Variants in APBA2 observed in about 807,000 individuals in gnomAD.
APBA2 encodes the protein amyloid-beta A4 precursor protein-binding family A member 2.
Under a neutral mutation model 75.0 loss-of-function variants are expected in APBA2, and 30 were observed. The ratio of observed to expected loss-of-function variants is 0.40; its 90% CI spans 0.30 to 0.54. The LOEUF (loss-of-function observed/expected upper bound fraction) is 0.54, where lower values mean the gene tolerates loss of function less well. APBA2 is among the 20% of genes least tolerant of loss of function. The pLI, the probability that APBA2 is intolerant of heterozygous loss-of-function variation, is 0.49. For synonymous variants in APBA2, 444 were observed against 409.6 expected (o/e 1.08, Z -1.01); for missense variants, 801 against 1,016.1 (o/e 0.79, Z 2.88).
rs1412473592 is a variant in APBA2, at chr15:29,101,770, T to C, written c.1510T>C (p.Phe504Leu). The change falls in exon 10 of 15, where the codon TTC becomes CTC. Residue 504 changes from phenylalanine to leucine, a missense_variant. This residue lies in a region of APBA2 where 367 missense variants were observed against 544.5 expected (regional missense o/e 0.67). Coordinates refer to ENST00000683413, the MANE Select transcript of APBA2 (RefSeq NM_001353788.2). ...KKQYKMICHV[F>L]ESEDAQLIAQ... is the part of the protein sequence containing the mutation. The stretch of plus-strand genomic sequence containing the variant: ...GCAGTATAAGATGATCTGCCATGTG[T>C]TCGAGTCGGAGGATGTAAGTAAGCC... 6.2e-7 allele frequency: 1 copy of C among 1,613,316 alleles called. No homozygotes were observed. Among genetic ancestry groups the C allele is most frequent in the Non-Finnish European group, 8.5e-7 (1 of 1,179,942 alleles).
chr15:29,101,814 T>G, intron 10 of APBA2, 30 bp downstream of exon 10: 1 of 1,605,088 alleles, frequency 6.2e-7, no homozygotes, highest in Non-Finnish European at 8.5e-7. Context: ...GGCACTCCCC[T>G]CCCAAAGTTC....
chr15:29,024,440 A>G (rs1397903447), intron 3 of APBA2, among the ~76,000 whole-genome samples: 1 of 152,234 alleles, frequency 6.6e-6, no homozygotes, highest in African/African-American at 2.4e-5. Context: ...CTGCGGAGAC[A>G]GCACTGTGGG....
chr15:28,930,610 T>C (rs937650892), intron 2 of APBA2, among the ~76,000 whole-genome samples: 22 of 152,110 alleles, frequency 1.4e-4, no homozygotes, highest in African/African-American at 5.3e-4. Flanking sequence ...CTGTTTTTGC[T>C]GGCCAGGGAG....
intron 2 of APBA2, among the ~76,000 whole-genome samples, chr15:28,942,714 C>T (rs2035301438): frequency 6.6e-6 from 1 of 152,326 alleles, no homozygotes; most frequent in Non-Finnish European, 1.5e-5. Context: ...AGTAAGCGAC[C>T]TGGGAGGTAT....
chr15:28,933,617 A>G (rs1282807349), intron 2 of APBA2, among the ~76,000 whole-genome samples: 1 of 152,254 alleles, frequency 6.6e-6, no homozygotes, highest in South Asian at 2.1e-4. Flanking sequence ...GCAAGCCCAC[A>G]CTGGCTCGGA....
In APBA2 at chr15:29,014,704, G is replaced by GTTT. The variant is rs531887593; in HGVS notation, c.-41+18915_-41+18917dup. Reference sequence around the variant, plus strand: ...CAGATTACTCAGTCATCATTTGACTGTTTTTTTTTTTTTTTTTTTAAAGAG... The same window carrying GTTT: ...CAGATTACTCAGTCATCATTTGACTGTTTTTTTTTTTTTTTTTTTTTTAAAGAG... On this transcript the variant is annotated intron_variant, in intron 3 of 14. Transcript: ENST00000683413. 4.0e-3 allele frequency among the ~76,000 whole-genome samples: 504 copies of GTTT among 125,592 alleles called. 6 individuals are homozygous for GTTT. Among genetic ancestry groups the GTTT allele is most frequent in the East Asian group, 0.014 (60 of 4,396 alleles). The allele number at this position is 125,592 out of a possible 152,430, so 82.4% of individuals were successfully genotyped here.
intron 3 of APBA2, among the ~76,000 whole-genome samples, chr15:29,006,338 C>G (rs1476346197): frequency 6.6e-6 from 1 of 152,102 alleles, no homozygotes; most frequent in Non-Finnish European, 1.5e-5. Context: ...GAAAAAAATT[C>G]CATTAACCAA....
chr15:29,105,543 G>C lies in APBA2; in HGVS notation c.1689G>C (p.Ser563=), dbSNP rs149032545. 14 of 1,613,404 alleles carry C rather than the reference G, an allele frequency of 8.7e-6. No homozygotes were observed. The highest frequency in any genetic ancestry group is 1.1e-5 in the Non-Finnish European group (13 of 1,180,040). The change falls in exon 11 of 15, where the codon TCG becomes TCC. Residue 563 remains serine (S), a synonymous_variant. Coordinates refer to ENST00000683413, the MANE Select transcript of APBA2 (RefSeq NM_001353788.2). ...ACGACCTCATCCACTTCTCAAACTC[G>C]GAGAACTGCAAGGAGGTAAGCCACA... ...YNDDLIHFSN[S]ENCKELQLEK... is the part of the protein sequence containing the mutation.
At chr15:29,113,622 T>C (rs1408471052) in intron 13 of APBA2, among the ~76,000 whole-genome samples, 1 of 151,698 alleles carries the variant, frequency 6.6e-6, no homozygotes, top group Non-Finnish European at 1.5e-5. Flanking sequence ...CTGGGGGAGG[T>C]GCAGCTGGGG....
chr15:28,923,811 G>T (rs375740848), intron 2 of APBA2, among the ~76,000 whole-genome samples: 1 of 152,118 alleles, frequency 6.6e-6, no homozygotes, highest in South Asian at 2.1e-4. Flanking sequence ...TCAGTGCTTG[G>T]GCCTTTTGGG....
intron 3 of APBA2, among the ~76,000 whole-genome samples, chr15:29,037,949 G>C (rs1230313118): frequency 6.6e-6 from 1 of 152,168 alleles, no homozygotes; most frequent in Non-Finnish European, 1.5e-5. Flanking sequence ...TCAGCATACT[G>C]TCTCTTAATA....
At chr15:28,898,818 T>C (rs1221686169) in intron 1 of APBA2, among the ~76,000 whole-genome samples, 1 of 152,228 alleles carries the variant, frequency 6.6e-6, no homozygotes, top group Non-Finnish European at 1.5e-5. Context: ...TTATACTTAA[T>C]GTGAGATAAT....
intron 1 of APBA2, among the ~76,000 whole-genome samples, chr15:28,892,491 T>C (rs2032200620): frequency 6.6e-6 from 1 of 152,210 alleles, no homozygotes; most frequent in Non-Finnish European, 1.5e-5. Flanking sequence ...GTGTGTAGCC[T>C]GGGAGCAATG....
At chr15:28,959,018 C>A (rs2036323204) in intron 2 of APBA2, among the ~76,000 whole-genome samples, 1 of 152,098 alleles carries the variant, frequency 6.6e-6, no homozygotes, top group Non-Finnish European at 1.5e-5. Context: ...GATACAGAAT[C>A]TCCCTCTGTC....
At chr15:28,906,516 C>T (rs1200639271) in intron 1 of APBA2, among the ~76,000 whole-genome samples, 1 of 152,132 alleles carries the variant, frequency 6.6e-6, no homozygotes, top group East Asian at 1.9e-4. Flanking sequence ...TAGAAGTGGA[C>T]TTGCTGGGCT....
intron 2 of APBA2, among the ~76,000 whole-genome samples, chr15:28,963,893 A>ATGTG (rs946721317): frequency 1.3e-5 from 2 of 151,718 alleles, no homozygotes; most frequent in Non-Finnish European, 2.9e-5. Context: ...TAATGTATGT[A>ATGTG]TGTGTGTGTG....
In APBA2 at chr15:29,063,573, G is replaced by T; in HGVS notation, c.951+8738G>T. Among the ~76,000 whole-genome samples the T allele has an allele frequency of 2.1e-5, 3 of 142,946 alleles. No individual in the cohort carries two copies. The East Asian group carries it at 6.7e-4, about 32-fold the overall frequency. 93.8% of individuals were successfully genotyped at this position (142,946 alleles called of 152,430 possible). A position where few individuals can be genotyped will look rare whatever the true frequency, so the allele number is the denominator to read the frequency against. ...TGATCTGGTCAGTGTCTGTATGGGT[G>T]GGGAGGGGAGTTGATCTGGTCAGTG... On this transcript the variant is annotated intron_variant, in intron 4 of 14. Coordinates refer to ENST00000683413, the MANE Select transcript of APBA2 (RefSeq NM_001353788.2).
chr15:29,068,934 G>A (rs566056877), intron 4 of APBA2, among the ~76,000 whole-genome samples: 2 of 152,274 alleles, frequency 1.3e-5, no homozygotes, highest in African/African-American at 2.4e-5. Context: ...ACAATGTTGT[G>A]CAACCACCTC....
chr15:28,928,387 C>T (rs575299522), intron 2 of APBA2, among the ~76,000 whole-genome samples: 85 of 152,236 alleles, frequency 5.6e-4, no homozygotes, highest in Middle Eastern at 6.8e-3. Flanking sequence ...CCTAAATTCC[C>T]TTCCTCAGAC....
Sources: gnomAD v4.1 joint callset for allele counts (sites outside exome capture counted in the v4.1 genomes callset) on GRCh38, gnomAD v4.1.1 for gene constraint, gnomAD v4.1.1 regional missense constraint, MANE v1.5 for transcripts, NCBI Gene and HGNC (gene_info 2026-07-23, HGNC 2026-07-21) for gene names.